MIA3: variants seen among roughly 807,000 people sequenced by gnomAD.
MIA3 encodes the protein MIA SH3 domain ER export factor 3.
MIA3 carries 90 observed loss-of-function variants against 192.4 expected under a neutral mutation model. The observed-to-expected ratio is 0.47, with a 90% CI of 0.39 to 0.56. The LOEUF (loss-of-function observed/expected upper bound fraction) is 0.56, where lower values mean the gene tolerates loss of function less well. Ranked by LOEUF, MIA3 falls within the 20% of genes least tolerant of loss-of-function variation. The probability of loss-of-function intolerance (pLI) is 0.00; values close to 1 mark genes in which losing one functional copy is unlikely to be tolerated. For missense variants in MIA3, 2,123 were observed against 2,269.4 expected (o/e 0.94, Z 1.31); for synonymous variants, 740 against 792.8 (o/e 0.93, Z 1.12).
chr1:222,622,138 A>G (rs1661899443), intron 2 of MIA3, among the ~76,000 whole-genome samples: 2 of 152,126 alleles, frequency 1.3e-5, no homozygotes, highest in Admixed American at 6.5e-5. Context: ...CCTTGGGGTC[A>G]TCCTTGTCCT....
intron 18 of MIA3, among the ~76,000 whole-genome samples, chr1:222,657,855 C>A (rs1405688289): frequency 1.3e-5 from 2 of 152,194 alleles, no homozygotes; most frequent in African/African-American, 2.4e-5. Flanking sequence ...AATACATAAA[C>A]TTTTTTCTCT....
intron 4 of MIA3, among the ~76,000 whole-genome samples, chr1:222,631,757 ATGTCCCTGTC>A (rs1387703763): frequency 6.6e-6 from 1 of 152,194 alleles, no homozygotes. Flanking sequence ...TTGGCGTGGA[ATGTCCCTGTC>A]TGTACTAGTT....
Position 222,650,773 on chromosome 1 carries a change from C to T in MIA3, c.3799-20C>T. On this transcript the variant is annotated intron_variant, in intron 10 of 27. Coordinates refer to ENST00000344922, the MANE Select transcript of MIA3 (RefSeq NM_198551.4). ...AAGTAAAAGTAATGAGTATAACTAA[C>T]CTTAATATCTTTTTTGTAGGATAAA... The T allele has an allele frequency of 1.9e-6, 3 of 1,575,824 alleles. No homozygotes were observed. Among genetic ancestry groups the T allele is most frequent in the Non-Finnish European group, 2.6e-6 (3 of 1,152,058 alleles).
rs1380253591 is a variant in MIA3 at position 222,628,928 on chromosome 1, A to G, written c.1708A>G (p.Arg570Gly). 6.2e-7 allele frequency: 1 copy of G among 1,614,110 alleles called. No homozygotes were observed. Among genetic ancestry groups the G allele is most frequent in the African/African-American group, 1.3e-5 (1 of 74,950 alleles). Residue 570 changes from arginine to glycine, a missense_variant, in exon 4 of 28, where the codon AGA becomes GGA. Arg to Gly is a moderately radical substitution (Grantham distance 125). Transcript: ENST00000344922. ...AGCTGCAGGGAATCAAATGAATGAC[A>G]GAAAGATTCAACAGGAATCCCTGGG... ...QKAAGNQMNDRKIQQESLGSA... is the reference protein window; with the variant it reads ...QKAAGNQMNDGKIQQESLGSA...
rs143554288 is a variant in MIA3 at position 222,652,727 on chromosome 1, A to G, written c.4087-281A>G. Among the ~76,000 whole-genome samples the G allele has an allele frequency of 1.6e-3, 243 of 152,364 alleles. 5 individuals carry two copies. In the East Asian group the frequency reaches 0.04, roughly 25 times the overall value. On this transcript the variant is annotated intron_variant, in intron 13 of 27. Transcript: ENST00000344922. The stretch of plus-strand genomic sequence containing the variant: ...CAGGAGTGTGGACTTGGGAGATAGT[A>G]GGATGAGCCCTTCTGTTCCTTCTGG...
chr1:222,644,367 A>G (rs1032978619), intron 6 of MIA3: 133 of 1,508,022 alleles, frequency 8.8e-5, no homozygotes, highest in Admixed American at 1.9e-4. Context: ...GTTCAATCCC[A>G]GAGTCCGCCC....
At chr1:222,647,436 C>G (rs527831552) in intron 7 of MIA3, among the ~76,000 whole-genome samples, 2 of 152,256 alleles carry the variant, frequency 1.3e-5, no homozygotes, top group Admixed American at 1.3e-4. Context: ...TACTCTTTTT[C>G]TGATTTCATA....
At position 222,660,440 on chromosome 1, in the gene MIA3, G is replaced by A. The variant is rs148398011; in HGVS notation, c.5113+126G>A. Reference sequence around the variant, plus strand: ...TATAGAAAAGAAAATTTCTTAATTTGTCTTGGTGGATTCAACTGCAAGTAT... The same window carrying A: ...TATAGAAAAGAAAATTTCTTAATTTATCTTGGTGGATTCAACTGCAAGTAT... On this transcript the variant is annotated intron_variant, in intron 24 of 27. Transcript: ENST00000344922. The A allele has an allele frequency of 2.2e-3, 1,854 of 845,842 alleles. 7 individuals are homozygous for A. Among genetic ancestry groups the A allele is most frequent in the Non-Finnish European group, 2.7e-3 (1,591 of 596,338 alleles). The allele number at this position is 845,842 out of a possible 1,614,324, so 52.4% of individuals were successfully genotyped here. A position where few individuals can be genotyped will look rare whatever the true frequency, so the allele number is the denominator to read the frequency against.
In MIA3 at chr1:222,651,020, G is replaced by A. The variant is rs1014179435; in HGVS notation, c.3909+117G>A. 1.9e-5 allele frequency: 12 copies of A among 617,642 alleles called. 1 individual carries two copies. Among genetic ancestry groups the A allele is most frequent in the African/African-American group, 7.5e-5 (4 of 53,430 alleles). 38.3% of individuals were successfully genotyped at this position (617,642 alleles called of 1,614,324 possible). On this transcript the variant is annotated intron_variant, in intron 11 of 27. Transcript: ENST00000344922. Reference sequence around the variant, plus strand: ...TGAAGTAAGAGTGCGAGTCAGGGAAGTTGAACCTACTTCTGTCCATTTTTG... The same window carrying A: ...TGAAGTAAGAGTGCGAGTCAGGGAAATTGAACCTACTTCTGTCCATTTTTG...
chr1:222,652,226 A>G lies in MIA3; in HGVS notation c.3982-2A>G, dbSNP rs775427677. ...TTCACTAATAGGAGTGTTTTGCATT[A>G]GGTTCAGATTGCACTTAATGAAGCT... On this transcript the variant is annotated splice_acceptor_variant, in intron 12 of 27. Coordinates refer to ENST00000344922, the MANE Select transcript of MIA3 (RefSeq NM_198551.4). LOFTEE classifies it high-confidence loss of function. 198 of 1,607,188 alleles carry G rather than the reference A, an allele frequency of 1.2e-4. No homozygotes were observed. Among genetic ancestry groups the G allele is most frequent in the Non-Finnish European group, 1.6e-4 (186 of 1,174,434 alleles).
intron 18 of MIA3, among the ~76,000 whole-genome samples, chr1:222,658,435 A>G (rs1301640673): frequency 6.6e-6 from 1 of 152,240 alleles, no homozygotes; most frequent in Non-Finnish European, 1.5e-5. Context: ...CATTGAAGAA[A>G]AGTGAGCATC....
At position 222,654,316 on chromosome 1, in the gene MIA3, G is replaced by T; in HGVS notation, c.4377+18G>T. The T allele has an allele frequency of 6.2e-7, 1 of 1,613,566 alleles. No homozygotes were observed. Among genetic ancestry groups the T allele is most frequent in the Non-Finnish European group, 8.5e-7 (1 of 1,179,650 alleles). ...TCTCTCGGGTATAATCGTTTTTAGA[G>T]TCCCATAATTGCCTGTGAATACTTT... On this transcript the variant is annotated intron_variant, in intron 16 of 27. Coordinates refer to ENST00000344922, the MANE Select transcript of MIA3 (RefSeq NM_198551.4).
chr1:222,667,464 G>A lies in MIA3; in HGVS notation c.*1845G>A, dbSNP rs1163029906. The A allele has an allele frequency of 6.6e-6, 1 of 151,848 alleles. No homozygotes were observed. The highest frequency in any genetic ancestry group is 1.5e-5 in the Non-Finnish European group (1 of 67,928). The allele number at this position is 151,848 out of a possible 1,614,324, so 9.4% of individuals were successfully genotyped here. ...TAGATTATGCCATCTAGGAAGGTAA[G>A]TAGGAAAGGTAAATTAAATCTATTT... On this transcript the variant is annotated 3_prime_UTR_variant, in exon 28 of 28. Coordinates refer to ENST00000344922, the MANE Select transcript of MIA3 (RefSeq NM_198551.4).
At chr1:222,648,402 C>T (rs1274505616) in intron 7 of MIA3, among the ~76,000 whole-genome samples, 1 of 152,202 alleles carries the variant, frequency 6.6e-6, no homozygotes, top group Non-Finnish European at 1.5e-5. Context: ...TATGTTTCCT[C>T]AGAGTCTTTT....
intron 2 of MIA3, among the ~76,000 whole-genome samples, chr1:222,623,269 TG>T (rs1439160730): frequency 1.4e-5 from 2 of 144,650 alleles, no homozygotes; most frequent in South Asian, 2.1e-4. Context: ...TGTGAGCCTA[TG>T]TTTTTTTTTT....
rs73124838 is a variant in MIA3, at chr1:222,649,244, G to A, written c.3631+394G>A. The A allele has an allele frequency of 4.6e-3, 719 of 156,572 alleles. 4 individuals carry two copies. Among genetic ancestry groups the A allele is most frequent in the African/African-American group, 0.016 (681 of 41,718 alleles). The allele number at this position is 156,572 out of a possible 1,614,324, so 9.7% of individuals were successfully genotyped here. The stretch of plus-strand genomic sequence containing the variant: ...ACGCCTGCATTTTCTGTTTCTCTTT[G>A]CAAATGACATATTTGAAGTGATGCC... On this transcript the variant is annotated intron_variant, in intron 8 of 27. Coordinates refer to ENST00000344922, the MANE Select transcript of MIA3 (RefSeq NM_198551.4).
At position 222,621,375 on chromosome 1, in the gene MIA3, TG is replaced by T. The variant is rs1217637158; in HGVS notation, c.267+86del. ...GTAGAGTTAAATGACTGCATTTTCT[TG>T]GGACCTTTGATGGAGTTAACTTGTC... On this transcript the variant is annotated intron_variant, in intron 2 of 27. Transcript: ENST00000344922. The T allele has an allele frequency of 2.9e-6, 4 of 1,359,346 alleles. No homozygotes were observed. In the African/African-American group the frequency reaches 5.8e-5, roughly 20 times the overall value. The allele number at this position is 1,359,346 out of a possible 1,614,324, so 84.2% of individuals were successfully genotyped here.
Position 222,628,657 on chromosome 1 carries a change from A to G in MIA3, c.1437A>G (p.Val479=), listed in dbSNP as rs1202021370. The G allele has an allele frequency of 6.2e-7, 1 of 1,613,970 alleles. No homozygotes were observed. The highest frequency in any genetic ancestry group is 8.5e-7 in the Non-Finnish European group (1 of 1,180,002). ...TTCAGGAATCCAAGAGGGGCCTGGTACAAGATAAGACAGAATTAGAGGATG... is the reference window on the plus strand; with the variant it reads ...TTCAGGAATCCAAGAGGGGCCTGGTGCAAGATAAGACAGAATTAGAGGATG... ...RGVQESKRGL[V]QDKTELEDEN... Residue 479 remains valine (V), a synonymous_variant, in exon 4 of 28, where the codon GTA becomes GTG. Transcript: ENST00000344922.
intron 2 of MIA3, among the ~76,000 whole-genome samples, chr1:222,624,185 C>G (rs1662002349): frequency 6.6e-6 from 1 of 152,064 alleles, no homozygotes; most frequent in South Asian, 2.1e-4. Flanking sequence ...ATATGTAGAT[C>G]CTAGTGTATT....
Sources: gnomAD v4.1 joint callset for allele counts (sites outside exome capture counted in the v4.1 genomes callset) on GRCh38, gnomAD v4.1.1 for gene constraint, MANE v1.5 for transcripts, NCBI Gene and HGNC (gene_info 2026-07-23, HGNC 2026-07-21) for gene names.